PTPRT: variants seen among roughly 807,000 people sequenced by gnomAD.
PTPRT encodes receptor-type tyrosine-protein phosphatase T.
Under a neutral mutation model 176.8 loss-of-function variants are expected in PTPRT, and 56 were observed. The observed-to-expected ratio is 0.32, with a 90% confidence interval of 0.26 to 0.40. The LOEUF (loss-of-function observed/expected upper bound fraction) is 0.40. PTPRT is among the 10% of genes least tolerant of loss of function. PTPRT has a pLI of 1.00. For missense variants in PTPRT, 1,540 were observed against 1,908.2 expected, an observed-to-expected ratio of 0.81 and a Z score of 3.60; for synonymous variants, 783 against 739.0, an observed-to-expected ratio of 1.06 and a Z score of -0.96.
At chr20:42,356,830 C>A (rs1324836873) in intron 9 of PTPRT, among the ~76,000 whole-genome samples, 3 of 152,118 alleles carry the variant, frequency 2.0e-5, no homozygotes, top group Non-Finnish European at 2.9e-5. Context: ...CTCGTCCTCC[C>A]CCCAGCACCC....
chr20:42,603,277 A>G (rs867490014), intron 7 of PTPRT, among the ~76,000 whole-genome samples: 16 of 152,116 alleles, frequency 1.1e-4, no homozygotes, highest in African/African-American at 3.6e-4. Context: ...ACTGCTTTAG[A>G]CTGGCCTGGG....
At chr20:42,817,498 T>C (rs2077809519) in intron 2 of PTPRT, among the ~76,000 whole-genome samples, 1 of 151,952 alleles carries the variant, frequency 6.6e-6, no homozygotes, top group African/African-American at 2.4e-5. Flanking sequence ...AAAAGAAATA[T>C]ATGTATATTC....
intron 11 of PTPRT, among the ~76,000 whole-genome samples, chr20:42,335,451 C>T (rs2058026853): frequency 6.6e-6 from 1 of 152,022 alleles, no homozygotes; most frequent in Non-Finnish European, 1.5e-5. Context: ...AAAAATGACT[C>T]TAGAAGAAAC....
chr20:42,433,475 T>C (rs909490514), intron 9 of PTPRT, among the ~76,000 whole-genome samples: 10 of 152,140 alleles, frequency 6.6e-5, no homozygotes, highest in African/African-American at 2.4e-4. Context: ...GCTGCAGTGC[T>C]GTGCCATGAT....
intron 8 of PTPRT, among the ~76,000 whole-genome samples, chr20:42,462,277 G>A (rs868357175): frequency 5.3e-5 from 8 of 152,264 alleles, no homozygotes; most frequent in Middle Eastern, 3.4e-3. Flanking sequence ...AGGGATGAAT[G>A]GGCCAGGGAA....
At chr20:42,898,504 T>C (rs184207351) in intron 1 of PTPRT, among the ~76,000 whole-genome samples, 46 of 152,266 alleles carry the variant, frequency 3.0e-4, no homozygotes, top group African/African-American at 1.1e-3. Flanking sequence ...CCCCACCTTC[T>C]AAGAATCCTT....
intron 1 of PTPRT, among the ~76,000 whole-genome samples, chr20:43,077,719 T>C (rs1299699584): frequency 2.0e-5 from 3 of 152,170 alleles, no homozygotes; most frequent in Non-Finnish European, 4.4e-5. Flanking sequence ...AAAAGGATAC[T>C]GAAGGATCCC....
At chr20:42,904,640 G>A (rs115476379) in intron 1 of PTPRT, among the ~76,000 whole-genome samples, 5 of 152,230 alleles carry the variant, frequency 3.3e-5, no homozygotes, top group African/African-American at 1.2e-4. Context: ...CCACCCCATG[G>A]ACCTAGGTGA....
intron 27 of PTPRT, among the ~76,000 whole-genome samples, chr20:42,094,027 C>G (rs936506039): frequency 6.6e-6 from 1 of 152,252 alleles, no homozygotes; most frequent in Non-Finnish European, 1.5e-5. Flanking sequence ...GTACCAACAT[C>G]TGGGCCTGAA....
chr20:42,691,096 A>G (rs1360099203), intron 6 of PTPRT, among the ~76,000 whole-genome samples: 1 of 152,188 alleles, frequency 6.6e-6, no homozygotes, highest in Non-Finnish European at 1.5e-5. Context: ...CATGCATCAC[A>G]TGTATCACGT....
chr20:42,998,685 G>A (rs115140740), intron 1 of PTPRT, among the ~76,000 whole-genome samples: 198 of 152,252 alleles, frequency 1.3e-3, no homozygotes, highest in African/African-American at 4.5e-3. Context: ...TTCAATAAGC[G>A]ATTGCATCAA....
intron 1 of PTPRT, among the ~76,000 whole-genome samples, chr20:43,006,299 T>A (rs6016936): frequency 0.34 from 51,831 of 152,132 alleles, 9,276 homozygotes; most frequent in African/African-American, 0.42. Context: ...TTTTATTTTC[T>A]AATATATTTT....
At position 42,247,390 on chromosome 20, in the gene PTPRT, G is replaced by A. The variant is rs143772040; in HGVS notation, c.2312+1297C>T. Among the ~76,000 whole-genome samples the A allele has an allele frequency of 4.5e-3, 685 of 152,262 alleles. 2 individuals are homozygous for A. Among genetic ancestry groups the A allele is most frequent in the Non-Finnish European group, 8.0e-3 (545 of 68,004 alleles). ...TAGTATTTCTAAATCACTGATTGCTGGAAATGGGGATATTGCTTTTAAAAA... is the reference window on the plus strand; with the variant it reads ...TAGTATTTCTAAATCACTGATTGCTAGAAATGGGGATATTGCTTTTAAAAA... On this transcript the variant is annotated intron_variant, in intron 14 of 30. Transcript: ENST00000373187.
At chr20:42,938,617 C>T (rs894169935) in intron 1 of PTPRT, among the ~76,000 whole-genome samples, 1 of 152,172 alleles carries the variant, frequency 6.6e-6, no homozygotes, top group East Asian at 1.9e-4. Flanking sequence ...TCCTCTCTTC[C>T]CCAGCCTGTT....
intron 9 of PTPRT, among the ~76,000 whole-genome samples, chr20:42,359,292 T>G (rs539161004): frequency 6.6e-6 from 1 of 152,114 alleles, no homozygotes; most frequent in Non-Finnish European, 1.5e-5. Context: ...AGATGACAAA[T>G]ACAAAGAAGG....
At chr20:42,739,528 C>A (rs1038366006) in intron 6 of PTPRT, among the ~76,000 whole-genome samples, 2 of 151,750 alleles carry the variant, frequency 1.3e-5, no homozygotes, top group Non-Finnish European at 2.9e-5. Context: ...CAGAGGCTGG[C>A]GGACACTGAG....
intron 6 of PTPRT, chr20:42,688,560 ATACCTGGTGTGATT>A (rs1427878693): frequency 6.6e-6 from 1 of 152,192 alleles, no homozygotes; most frequent in Non-Finnish European, 1.5e-5. Context: ...TCTGTTTGAA[ATACCTGGTGTGATT>A]TAGGGTTTCC....
At chr20:42,389,753 G>A (rs1008793257) in intron 9 of PTPRT, among the ~76,000 whole-genome samples, 17 of 151,538 alleles carry the variant, frequency 1.1e-4, no homozygotes, top group Middle Eastern at 3.4e-3. Context: ...TACTCCAGAG[G>A]TTAAGGCAGG....
intron 7 of PTPRT, among the ~76,000 whole-genome samples, chr20:42,555,576 C>G (rs773343798): frequency 9.9e-5 from 15 of 152,126 alleles, no homozygotes; most frequent in Non-Finnish European, 1.8e-4. Context: ...TTCTTCCACT[C>G]CAAGATGACT....
Sources: gnomAD v4.1 joint callset for allele counts (sites outside exome capture counted in the v4.1 genomes callset) on GRCh38, gnomAD v4.1.1 for gene constraint, MANE v1.5 for transcripts, NCBI Gene and HGNC (gene_info 2026-07-23, HGNC 2026-07-21) for gene names.